ADAMTS6: variants seen among roughly 807,000 people sequenced by gnomAD.
ADAMTS6 encodes the protein ADAM metallopeptidase with thrombospondin type 1 motif 6, also known as A disintegrin and metalloproteinase with thrombospondin motifs 6.
A neutral mutation model predicts 144.3 loss-of-function variants in ADAMTS6; 23 were observed. That is an observed-to-expected ratio of 0.16 (90% CI 0.11 to 0.23). The LOEUF (loss-of-function observed/expected upper bound fraction) is 0.23. Ranked by LOEUF, ADAMTS6 falls within the 10% of genes least tolerant of loss-of-function variation. The pLI is 1.00. For missense variants in ADAMTS6, 999 were observed against 1,379.6 expected (o/e 0.72, Z 4.37); for synonymous variants, 444 against 457.5 (o/e 0.97, Z 0.38).
intron 7 of ADAMTS6, among the ~76,000 whole-genome samples, chr5:65,441,558 G>A (rs1178839557): frequency 6.6e-6 from 1 of 151,854 alleles, no homozygotes; most frequent in African/African-American, 2.4e-5. Flanking sequence ...TAAACACCAT[G>A]ACCACCCAAA....
At position 65,441,761 on chromosome 5, in the gene ADAMTS6, A is replaced by G. The variant is rs144909006; in HGVS notation, c.1073+9714T>C. ...CCACAGTGGAACTAAATTAGAAATTAACAACAAAAGAATTTCTGCAGTGGG... is the reference window on the plus strand; with the variant it reads ...CCACAGTGGAACTAAATTAGAAATTGACAACAAAAGAATTTCTGCAGTGGG... On this transcript the variant is annotated intron_variant, in intron 7 of 24. Transcript: ENST00000381055. Among the ~76,000 whole-genome samples the G allele has an allele frequency of 6.7e-3, 1,024 of 152,080 alleles. 5 individuals carry two copies. The highest frequency in any genetic ancestry group is 0.022 in the African/African-American group (905 of 41,458).
At chr5:65,402,355 T>C (rs1753992516) in intron 7 of ADAMTS6, among the ~76,000 whole-genome samples, 1 of 152,046 alleles carries the variant, frequency 6.6e-6, no homozygotes, top group Non-Finnish European at 1.5e-5. Context: ...GAAGACAAAA[T>C]ATAACCATGC....
intron 14 of ADAMTS6, among the ~76,000 whole-genome samples, chr5:65,253,216 T>C (rs982310366): frequency 6.6e-6 from 1 of 152,170 alleles, no homozygotes; most frequent in Non-Finnish European, 1.5e-5. Context: ...TATTGTAACT[T>C]ACACTTTGAG....
Position 65,471,149 on chromosome 5 carries a change from A to T in ADAMTS6, c.98-7T>A. The T allele has an allele frequency of 6.3e-7, 1 of 1,576,870 alleles. No homozygotes were observed. The highest frequency in any genetic ancestry group is 8.5e-7 in the Non-Finnish European group (1 of 1,169,896). ...AGATAAGTCAGGAATTCCTCTTTGT[A>T]ATCACAAGGCAGAGAATCCAGAAAA... On this transcript the variant is annotated splice_polypyrimidine_tract_variant and splice_region_variant and intron_variant, in intron 2 of 24. Transcript: ENST00000381055.
intron 7 of ADAMTS6, among the ~76,000 whole-genome samples, chr5:65,374,703 C>G (rs1253523184): frequency 6.6e-6 from 1 of 152,176 alleles, no homozygotes; most frequent in Non-Finnish European, 1.5e-5. Context: ...TTTACAGATT[C>G]AATGCCATCC....
intron 21 of ADAMTS6, among the ~76,000 whole-genome samples, chr5:65,191,687 G>T (rs2112195256): frequency 6.6e-6 from 1 of 152,008 alleles, no homozygotes; most frequent in Non-Finnish European, 1.5e-5. Context: ...ACAAAAAGTT[G>T]TTAAAAAAAT....
chr5:65,348,476 G>A (rs1422427446), intron 7 of ADAMTS6, among the ~76,000 whole-genome samples: 1 of 152,068 alleles, frequency 6.6e-6, no homozygotes, highest in Non-Finnish European at 1.5e-5. Context: ...GTAGAGAATT[G>A]AATGGTGGTT....
intron 7 of ADAMTS6, among the ~76,000 whole-genome samples, chr5:65,448,129 G>A (rs1053736678): frequency 7.3e-5 from 11 of 150,506 alleles, no homozygotes; most frequent in Non-Finnish European, 1.2e-4. Flanking sequence ...AAATACACAT[G>A]TATAATATAT....
At chr5:65,183,029 T>C (rs1754458801) in intron 22 of ADAMTS6, among the ~76,000 whole-genome samples, 1 of 152,210 alleles carries the variant, frequency 6.6e-6, no homozygotes, top group Non-Finnish European at 1.5e-5. Context: ...ATTGTACTTC[T>C]TACAGGTGAT....
chr5:65,410,569 G>T (rs1754967916), intron 7 of ADAMTS6, among the ~76,000 whole-genome samples: 1 of 151,990 alleles, frequency 6.6e-6, no homozygotes, highest in Non-Finnish European at 1.5e-5. Flanking sequence ...CAATTTTCAA[G>T]TATGCAATAT....
intron 7 of ADAMTS6, among the ~76,000 whole-genome samples, chr5:65,427,553 C>A (rs1756647255): frequency 6.6e-6 from 1 of 152,124 alleles, no homozygotes; most frequent in South Asian, 2.1e-4. Context: ...AATCCCAGCA[C>A]TTTGGGAGGC....
chr5:65,320,608 G>A (rs1745521443), intron 9 of ADAMTS6, among the ~76,000 whole-genome samples: 1 of 150,410 alleles, frequency 6.6e-6, no homozygotes, highest in Non-Finnish European at 1.5e-5. Context: ...TGTTACATAG[G>A]TAAATTTGTG....
chr5:65,460,097 C>G (rs1234783816), intron 4 of ADAMTS6, 73 bp downstream of exon 4: 1 of 1,515,530 alleles, frequency 6.6e-7, no homozygotes, highest in Non-Finnish European at 8.9e-7. Flanking sequence ...GCTAACCTTA[C>G]TATACTTGCC....
chr5:65,477,992 T>C (rs1003889237), intron 1 of ADAMTS6, among the ~76,000 whole-genome samples: 1 of 151,898 alleles, frequency 6.6e-6, no homozygotes, highest in African/African-American at 2.4e-5. Flanking sequence ...CCAGGCGTGG[T>C]GGTGCGCACC....
intron 9 of ADAMTS6, among the ~76,000 whole-genome samples, chr5:65,322,025 T>C (rs1043004518): frequency 6.6e-6 from 1 of 152,064 alleles, no homozygotes; most frequent in Non-Finnish European, 1.5e-5. Context: ...CTTCAATCCA[T>C]CTTGAGTTAA....
intron 7 of ADAMTS6, among the ~76,000 whole-genome samples, chr5:65,407,140 C>A (rs1561512596): frequency 6.6e-6 from 1 of 152,028 alleles, no homozygotes; most frequent in African/African-American, 2.4e-5. Context: ...GAGAATGCCA[C>A]AAAGATACTC....
intron 10 of ADAMTS6, 141 bp downstream of exon 10, chr5:65,299,844 A>T: frequency 2.3e-6 from 2 of 878,408 alleles, no homozygotes; most frequent in Non-Finnish European, 1.6e-6. Context: ...ATGATATATT[A>T]AAGTATTTAG....
At chr5:65,388,067 G>A (rs1183743611) in intron 7 of ADAMTS6, among the ~76,000 whole-genome samples, 5 of 152,114 alleles carry the variant, frequency 3.3e-5, no homozygotes, top group East Asian at 1.9e-4. Context: ...AAAATTAGCC[G>A]GGCGTTGTGG....
rs1394270513 is a variant in ADAMTS6, at chr5:65,149,458, G to GC, written c.*2377dup. 2 of 152,270 alleles carry GC rather than the reference G, an allele frequency of 1.3e-5. No homozygotes were observed. Among genetic ancestry groups the GC allele is most frequent in the Non-Finnish European group, 1.5e-5 (1 of 68,078 alleles). The allele number at this position is 152,270 out of a possible 1,614,324, so 9.4% of individuals were successfully genotyped here. ...CCCTCTAGAAAGGCACTCTGATGCT[G>GC]CCCCGGGGGATGCCTGCATTTTGTT... On this transcript the variant is annotated 3_prime_UTR_variant, in exon 25 of 25. Transcript: ENST00000381055.
Sources: gnomAD v4.1 joint callset for allele counts (sites outside exome capture counted in the v4.1 genomes callset) on GRCh38, gnomAD v4.1.1 for gene constraint, MANE v1.5 for transcripts, NCBI Gene and HGNC (gene_info 2026-07-23, HGNC 2026-07-21) for gene names.